The following FBXO34 variants were observed in gnomAD, a reference collection of about 807,000 sequenced individuals.
FBXO34 encodes F-box protein 34, also known as F-box only protein 34.
FBXO34 carries 12 observed loss-of-function variants against 24.5 expected under a neutral mutation model. The ratio of observed to expected loss-of-function variants is 0.49; its 90% CI spans 0.31 to 0.79. The LOEUF (loss-of-function observed/expected upper bound fraction) is 0.79, where lower values mean the gene tolerates loss of function less well. FBXO34 is among the 30% of genes least tolerant of loss of function. The pLI is 0.04. For synonymous variants in FBXO34, 320 were observed against 311.9 expected, an observed-to-expected ratio of 1.03 and a Z score of -0.27; for missense variants, 823 against 857.7, an observed-to-expected ratio of 0.96 and a Z score of 0.51.
chr14:55,429,271 G>C, the FBXO34 span, among the ~76,000 whole-genome samples: 1 of 152,204 alleles, frequency 6.6e-6, no homozygotes, highest in Admixed American at 6.5e-5. Flanking sequence ...CGATTCCAAG[G>C]ATTCGCAAAG....
chr14:55,407,350 C>T, the FBXO34 span, among the ~76,000 whole-genome samples: 1 of 152,176 alleles, frequency 6.6e-6, no homozygotes, highest in Non-Finnish European at 1.5e-5. Flanking sequence ...AGGATGGTCT[C>T]GGTCTCTTGA....
intron 1 of FBXO34, among the ~76,000 whole-genome samples, chr14:55,330,455 C>T (rs1883495360): frequency 6.6e-6 from 1 of 151,886 alleles, no homozygotes; most frequent in African/African-American, 2.4e-5. Flanking sequence ...ACTTTTTGTT[C>T]TATGATCTGC....
At chr14:55,411,494 C>T in the FBXO34 span, 11 of 1,110,866 alleles carry the variant, frequency 9.9e-6, no homozygotes, top group Admixed American at 2.6e-4. Context: ...TCTCGCTCCT[C>T]TCGCTGGTAT....
At chr14:55,382,093 C>A in the FBXO34 span, 1 of 1,614,136 alleles carries the variant, frequency 6.2e-7, no homozygotes, top group Non-Finnish European at 8.5e-7. Flanking sequence ...ACAGACCCAT[C>A]GTCCTGAGAG....
At chr14:55,345,067 T>G (rs1411426699) in intron 1 of FBXO34, among the ~76,000 whole-genome samples, 1 of 152,066 alleles carries the variant, frequency 6.6e-6, no homozygotes, top group Non-Finnish European at 1.5e-5. Flanking sequence ...GAGGCCAAGG[T>G]GGGAGGCTTA....
the FBXO34 span, among the ~76,000 whole-genome samples, chr14:55,377,492 G>C: frequency 1.3e-5 from 2 of 152,176 alleles, no homozygotes; most frequent in Admixed American, 1.3e-4. Context: ...GGAAGGGCTG[G>C]AGAAGAAATA....
downstream of FBXO34, among the ~76,000 whole-genome samples, chr14:55,370,918 G>T (rs1884802113): frequency 1.3e-5 from 2 of 152,272 alleles, no homozygotes; most frequent in African/African-American, 4.8e-5. Flanking sequence ...TGAGATTACA[G>T]TTGTGAGCCA....
At chr14:55,292,352 T>G (rs1271439503) in intron 1 of FBXO34, among the ~76,000 whole-genome samples, 1 of 152,000 alleles carries the variant, frequency 6.6e-6, no homozygotes, top group Non-Finnish European at 1.5e-5. Flanking sequence ...TTATAAGCTG[T>G]ATTTACATTT....
At chr14:55,319,361 C>T (rs963741795) in intron 1 of FBXO34, among the ~76,000 whole-genome samples, 1 of 152,072 alleles carries the variant, frequency 6.6e-6, no homozygotes, top group African/African-American at 2.4e-5. Context: ...TTTAAAAATC[C>T]AGTATACAGA....
chr14:55,280,868 G>A (rs149318318), intron 1 of FBXO34, among the ~76,000 whole-genome samples: 33 of 152,056 alleles, frequency 2.2e-4, no homozygotes, highest in African/African-American at 7.0e-4. Context: ...GGTGTCCAAG[G>A]GAGGTCCTGG....
chr14:55,323,169 A>G (rs1883204847), intron 1 of FBXO34, among the ~76,000 whole-genome samples: 1 of 98,862 alleles, frequency 1.0e-5, no homozygotes, highest in Non-Finnish European at 1.9e-5. Flanking sequence ...TGGGCGACAG[A>G]GTGAGACTCT....
At chr14:55,350,177 T>G (rs1354309301) in intron 1 of FBXO34, among the ~76,000 whole-genome samples, 2 of 139,512 alleles carry the variant, frequency 1.4e-5, no homozygotes, top group Non-Finnish European at 1.6e-5. Flanking sequence ...AAAAAAAAAG[T>G]ACTACACACC....
the FBXO34 span, chr14:55,377,758 TACA>T: frequency 5.4e-6 from 7 of 1,290,494 alleles, no homozygotes; most frequent in Non-Finnish European, 6.5e-6. Flanking sequence ...TATGCCAACA[TACA>T]ACTCCTCTAA....
At chr14:55,412,722 C>T in the FBXO34 span, among the ~76,000 whole-genome samples, 2 of 152,200 alleles carry the variant, frequency 1.3e-5, no homozygotes, top group Non-Finnish European at 2.9e-5. Context: ...ATAAACTGCC[C>T]TGAATTCTCT....
the FBXO34 span, among the ~76,000 whole-genome samples, chr14:55,385,450 G>A: frequency 3.9e-5 from 6 of 152,272 alleles, no homozygotes; most frequent in Middle Eastern, 3.4e-3. Flanking sequence ...GCGCCACCAC[G>A]CCTGGCTAAT....
intron 1 of FBXO34, among the ~76,000 whole-genome samples, chr14:55,332,139 A>G (rs990066836): frequency 6.7e-6 from 1 of 149,716 alleles, no homozygotes; most frequent in African/African-American, 2.4e-5. Flanking sequence ...CATTCTCACT[A>G]CTTTTCTCCA....
At chr14:55,435,402 A>G in the FBXO34 span, among the ~76,000 whole-genome samples, 1 of 150,772 alleles carries the variant, frequency 6.6e-6, no homozygotes, top group Admixed American at 6.6e-5. Context: ...CAACCTCCTG[A>G]GTAGCTGGGA....
At chr14:55,382,641 A>G in the FBXO34 span, among the ~76,000 whole-genome samples, 6 of 152,220 alleles carry the variant, frequency 3.9e-5, no homozygotes, top group Admixed American at 1.3e-4. Context: ...GTGAGCCACC[A>G]TGCCTGGCCA....
chr14:55,411,538 C>T, the FBXO34 span: 5 of 1,505,462 alleles, frequency 3.3e-6, no homozygotes, highest in African/African-American at 1.4e-5. Context: ...AGGTTCCAGC[C>T]TTCGGCTGCC....
Sources: allele counts gnomAD v4.1 joint callset (sites outside exome capture counted in the v4.1 genomes callset), GRCh38; gene constraint gnomAD v4.1.1; transcripts MANE v1.5; gene names NCBI Gene and HGNC (gene_info 2026-07-23, HGNC 2026-07-21).